PCDHGA11: variants seen among roughly 807,000 people sequenced by gnomAD.
The protein encoded by PCDHGA11 is protocadherin gamma subfamily A, 11, also known as protocadherin gamma-A11.
A neutral mutation model predicts 60.4 loss-of-function variants in PCDHGA11; 39 were observed. The observed-to-expected ratio is 0.65, with a 90% CI of 0.50 to 0.84. The LOEUF is 0.84. Among genes scored for constraint, PCDHGA11 ranks in the 40% least tolerant of loss-of-function variants. PCDHGA11 has a pLI of 0.00. For missense variants in PCDHGA11, 1,165 were observed against 1,197.7 expected, an observed-to-expected ratio of 0.97 and a Z score of 0.40; for synonymous variants, 533 against 510.3, an observed-to-expected ratio of 1.04 and a Z score of -0.60.
chr5:141,479,188 A>G (rs2099489531), intron 1 of PCDHGA11: 1 of 152,606 alleles, frequency 6.6e-6, no homozygotes. Context: ...TAGAAAATTC[A>G]GAAAATACAG....
intron 1 of PCDHGA11, among the ~76,000 whole-genome samples, chr5:141,433,766 G>A (rs2097649774): frequency 6.6e-6 from 1 of 151,888 alleles, no homozygotes; most frequent in South Asian, 2.1e-4. Flanking sequence ...TAACCTGGGA[G>A]GTGGAGGTTG....
intron 1 of PCDHGA11, among the ~76,000 whole-genome samples, chr5:141,434,571 T>C (rs2154556263): frequency 6.6e-6 from 1 of 152,374 alleles, no homozygotes; most frequent in South Asian, 2.1e-4. Flanking sequence ...GACATGCCCC[T>C]GCTGCAGATA....
At position 141,487,641 on chromosome 5, in the gene PCDHGA11, T is replaced by C. The variant is rs1343702532; in HGVS notation, c.2434-7166T>C. The stretch of plus-strand genomic sequence containing the variant: ...GTGAGACCTTTGCAGGCTCAACAAA[T>C]GCTTGAGGGTTATTCTGATCCAGGC... On this transcript the variant is annotated intron_variant, in intron 1 of 3. Coordinates refer to ENST00000398587, the MANE Select transcript of PCDHGA11 (RefSeq NM_018914.3). The surrounding 1 kb of genome is among the most constrained non-coding windows in gnomAD (Gnocchi z 5.0). The C allele has an allele frequency of 6.2e-7, 1 of 1,614,122 alleles. No individual in the cohort carries two copies. Among genetic ancestry groups the C allele is most frequent in the Non-Finnish European group, 8.5e-7 (1 of 1,179,998 alleles).
rs746943605 is a variant in PCDHGA11 at position 141,422,781 on chromosome 5, A to C, written c.1554A>C (p.Leu518=). ...CCAACACTGGTGTTCTCTATGCCCTACAATCCTTCGACTATGAGCAGTTTC... is the reference window on the plus strand; with the variant it reads ...CCAACACTGGTGTTCTCTATGCCCTCCAATCCTTCGACTATGAGCAGTTTC... ...INSNTGVLYA[L]QSFDYEQFRD... is the part of the protein sequence containing the mutation. The change falls in exon 1 of 4, where the codon CTA becomes CTC. Residue 518 remains leucine, a synonymous_variant. Coordinates refer to ENST00000398587, the MANE Select transcript of PCDHGA11 (RefSeq NM_018914.3). 8.1e-6 allele frequency: 13 copies of C among 1,613,964 alleles called. No individual in the cohort carries two copies. The highest frequency in any genetic ancestry group is 1.3e-5 in the African/African-American group (1 of 74,922).
chr5:141,490,205 C>A lies in PCDHGA11; in HGVS notation c.2434-4602C>A. 1 of 1,614,168 alleles carries A rather than the reference C, an allele frequency of 6.2e-7. No individual in the cohort carries two copies. The highest frequency in any genetic ancestry group is 8.5e-7 in the Non-Finnish European group (1 of 1,180,004). ...CGTTTCTATGAAATTCATGCAAGAG[C>A]CCGTGACCAGGGACAGCCTGCCATG... On this transcript the variant is annotated intron_variant, in intron 1 of 3. Transcript: ENST00000398587. This position sits in a 1 kb window ranked among gnomAD's most constrained non-coding sequence, Gnocchi z 5.4.
chr5:141,426,753 A>G (rs1360041118), intron 1 of PCDHGA11: 3 of 456,298 alleles, frequency 6.6e-6, no homozygotes, highest in East Asian at 7.0e-5. Flanking sequence ...GGAATCTGCT[A>G]TAGATGCAGA....
In PCDHGA11 at chr5:141,431,430, G is replaced by A; in HGVS notation, c.2433+7770G>A. ...GACGGGGGCGACCCGGTGCGCACAG[G>A]CACCGCGCGCATCCGCGTGATGGTT... is the stretch of plus-strand genomic sequence containing the variant. On this transcript the variant is annotated intron_variant, in intron 1 of 3. Coordinates refer to ENST00000398587, the MANE Select transcript of PCDHGA11 (RefSeq NM_018914.3). The surrounding 1 kb of genome is among the most constrained non-coding windows in gnomAD (Gnocchi z 4.8). 1 of 1,613,680 alleles carries A rather than the reference G, an allele frequency of 6.2e-7. No individual in the cohort carries two copies. The highest frequency in any genetic ancestry group is 8.5e-7 in the Non-Finnish European group (1 of 1,180,018).
At position 141,511,520 on chromosome 5, in the gene PCDHGA11, A is replaced by C; in HGVS notation, c.*347A>C. On this transcript the variant is annotated 3_prime_UTR_variant, in exon 4 of 4. Coordinates refer to ENST00000398587, the MANE Select transcript of PCDHGA11 (RefSeq NM_018914.3). Reference sequence around the variant, plus strand: ...CAAATCAATCAGGCCCATCCATCCCATGCCTCCCTCCTCCCCACCCCACTC... The same window carrying C: ...CAAATCAATCAGGCCCATCCATCCCCTGCCTCCCTCCTCCCCACCCCACTC... The C allele has an allele frequency of 2.8e-6, 1 of 358,498 alleles. No homozygotes were observed. Among genetic ancestry groups the C allele is most frequent in the Non-Finnish European group, 5.3e-6 (1 of 189,848 alleles). 22.2% of individuals were successfully genotyped at this position (358,498 alleles called of 1,614,324 possible).
rs765318875 is a variant in PCDHGA11 at position 141,489,896 on chromosome 5, C to A, written c.2434-4911C>A. On this transcript the variant is annotated intron_variant, in intron 1 of 3. Coordinates refer to ENST00000398587, the MANE Select transcript of PCDHGA11 (RefSeq NM_018914.3). This position sits in a 1 kb window ranked among gnomAD's most constrained non-coding sequence, Gnocchi z 4.5. ...GTGCTTACTGCTGTGGATGGGGGGA[C>A]CCCAGCCCGCTCAGGGACCACCCTT... 5 of 1,614,062 alleles carry A rather than the reference C, an allele frequency of 3.1e-6. No homozygotes were observed.
chr5:141,422,349 T>G lies in PCDHGA11; in HGVS notation c.1122T>G (p.Asp374Glu). 1 of 1,554,722 alleles carries G rather than the reference T, an allele frequency of 6.4e-7. No homozygotes were observed. The highest frequency in any genetic ancestry group is 1.3e-5 in the South Asian group (1 of 78,954). The stretch of plus-strand genomic sequence containing the variant: ...TGATTGCTCTTCTAAATGTGCAAGA[T>G]CAAGATTCTGGAGAAAATGGTCAAG... ...GTVIALLNVQ[D>E]QDSGENGQVS... is the part of the protein sequence containing the mutation. Residue 374 changes from aspartate (D) to glutamate (E), a missense_variant, in exon 1 of 4, where the codon GAT (aspartate) becomes GAG (glutamate). Coordinates refer to ENST00000398587, the MANE Select transcript of PCDHGA11 (RefSeq NM_018914.3).
intron 1 of PCDHGA11, 155 bp downstream of exon 1, chr5:141,423,815 C>G (rs1002418139): frequency 7.9e-7 from 1 of 1,271,358 alleles, no homozygotes; most frequent in African/African-American, 1.6e-5. Context: ...GTGAGTTTTA[C>G]TTTGCCTTTC....
At chr5:141,466,515 TTTTCCTCCCAAATTGA>T (rs2099124043) in intron 1 of PCDHGA11, among the ~76,000 whole-genome samples, 1 of 152,232 alleles carries the variant, frequency 6.6e-6, no homozygotes, top group Admixed American at 6.5e-5. Context: ...AGATCATTTT[TTTTCCTCCCAAATTGA>T]TGTAGATGGT....
intron 1 of PCDHGA11, among the ~76,000 whole-genome samples, chr5:141,455,519 G>T (rs1439363688): frequency 1.3e-5 from 2 of 152,158 alleles, no homozygotes; most frequent in East Asian, 3.9e-4. Flanking sequence ...TCAGGGGATT[G>T]GTTTGACCAG....
In PCDHGA11 at chr5:141,490,261, G is replaced by T; in HGVS notation, c.2434-4546G>T. 6.2e-7 allele frequency: 1 copy of T among 1,614,218 alleles called. No individual in the cohort carries two copies. Among genetic ancestry groups the T allele is most frequent in the Non-Finnish European group, 8.5e-7 (1 of 1,180,038 alleles). ...CCACTGTGTGATTCAAGTGGATGTG[G>T]GGGATGTCAATGACAATGCCCCAGA... On this transcript the variant is annotated intron_variant, in intron 1 of 3. Coordinates refer to ENST00000398587, the MANE Select transcript of PCDHGA11 (RefSeq NM_018914.3). The surrounding 1 kb of genome is among the most constrained non-coding windows in gnomAD (Gnocchi z 5.4).
intron 1 of PCDHGA11, among the ~76,000 whole-genome samples, chr5:141,466,021 G>A (rs2099115061): frequency 6.6e-6 from 1 of 151,934 alleles, no homozygotes; most frequent in Admixed American, 6.6e-5. Flanking sequence ...ACTCGGGAGG[G>A]TGAGGCAGGA....
chr5:141,485,260 G>C lies in PCDHGA11; in HGVS notation c.2434-9547G>C. ...TTTACCACCTGGGTTACGTTTGTGG[G>C]CAGATCCGCTACCCGGTCCCAGAGG... is the stretch of plus-strand genomic sequence containing the variant. On this transcript the variant is annotated intron_variant, in intron 1 of 3. Transcript: ENST00000398587. The surrounding 1 kb of genome is among the most constrained non-coding windows in gnomAD (Gnocchi z 5.7). 1 of 1,614,122 alleles carries C rather than the reference G, an allele frequency of 6.2e-7. No homozygotes were observed. The highest frequency in any genetic ancestry group is 8.5e-7 in the Non-Finnish European group (1 of 1,179,966).
intron 1 of PCDHGA11, among the ~76,000 whole-genome samples, chr5:141,469,671 A>G (rs1285283342): frequency 1.3e-5 from 2 of 152,236 alleles, no homozygotes; most frequent in Non-Finnish European, 2.9e-5. Flanking sequence ...TTCTAATAAA[A>G]CTACATATGC....
At chr5:141,462,539 T>G (rs2099042077) in intron 1 of PCDHGA11, among the ~76,000 whole-genome samples, 1 of 152,184 alleles carries the variant, frequency 6.6e-6, no homozygotes, top group African/African-American at 2.4e-5. Flanking sequence ...TTCAGTGATC[T>G]TTTCTTCTTC....
chr5:141,458,575 G>A (rs1337776166), intron 1 of PCDHGA11, among the ~76,000 whole-genome samples: 1 of 151,346 alleles, frequency 6.6e-6, no homozygotes, highest in Non-Finnish European at 1.5e-5. Context: ...GTTTTTGTTT[G>A]TTTGTTTGTT....
Sources: gnomAD v4.1 joint callset for allele counts (sites outside exome capture counted in the v4.1 genomes callset) on GRCh38, gnomAD v4.1.1 for gene constraint, Gnocchi (gnomAD v3.1) non-coding constraint, MANE v1.5 for transcripts, NCBI Gene and HGNC (gene_info 2026-07-23, HGNC 2026-07-21) for gene names.